Variants in ZNF250 observed in about 807,000 individuals in gnomAD.
ZNF250 encodes zinc finger protein 250.
In ZNF250, 13 loss-of-function variants were observed where a neutral mutation model predicts 37.1. The ratio of observed to expected loss-of-function variants is 0.35; its 90% CI spans 0.23 to 0.56. The LOEUF (loss-of-function observed/expected upper bound fraction) is 0.56, where lower values mean the gene tolerates loss of function less well. Ranked by LOEUF, ZNF250 falls within the 20% of genes least tolerant of loss-of-function variation. The pLI is 0.87. For synonymous variants in ZNF250, 251 were observed against 265.6 expected (o/e 0.94, Z 0.54); for missense variants, 474 against 697.9 (o/e 0.68, Z 3.61).
chr8:144,882,367 A>G lies in ZNF250; in HGVS notation c.816T>C (p.His272=), dbSNP rs765344686. 1.2e-6 allele frequency: 2 copies of G among 1,613,832 alleles called. No homozygotes were observed. The highest frequency in any genetic ancestry group is 1.7e-6 in the Non-Finnish European group (2 of 1,179,890). Residue 272 remains histidine (H), a synonymous_variant, in exon 6 of 6, where the codon CAT becomes CAC. Transcript: ENST00000417550. The surrounding 1 kb of genome is among the most constrained non-coding windows in gnomAD (Gnocchi z 5.5). The part of the protein sequence containing the change: ...SSDLAQHHKI[H]TGEKPHECLE... ...GACATTCGTGAGGCTTCTCTCCTGT[A>G]TGTATCTTGTGATGCTGAGCAAGAT...
intron 5 of ZNF250, among the ~76,000 whole-genome samples, chr8:144,885,396 C>T (rs1253938874): frequency 6.6e-6 from 1 of 152,186 alleles, no homozygotes; most frequent in African/African-American, 2.4e-5. Flanking sequence ...GCTGAGATTA[C>T]AGGCATGAGC....
At chr8:144,892,361 A>G (rs116997259) in intron 1 of ZNF250, among the ~76,000 whole-genome samples, 1 of 152,352 alleles carries the variant, frequency 6.6e-6, no homozygotes, top group East Asian at 1.9e-4. Flanking sequence ...CTTGCCAGGA[A>G]TCAGAGCCAA....
intron 1 of ZNF250, among the ~76,000 whole-genome samples, chr8:144,896,647 C>G (rs905437811): frequency 1.3e-5 from 2 of 152,192 alleles, no homozygotes; most frequent in African/African-American, 4.8e-5. Flanking sequence ...AGCTTTGCTC[C>G]ATGAGAACAC....
rs1832222591 is a variant in ZNF250 at position 144,890,189 on chromosome 8, G to A, written c.42+119C>T. On this transcript the variant is annotated intron_variant, in intron 2 of 5. Coordinates refer to ENST00000417550, the MANE Select transcript of ZNF250 (RefSeq NM_001109689.4). The surrounding 1 kb of genome is among the most constrained non-coding windows in gnomAD (Gnocchi z 5.1). The stretch of plus-strand genomic sequence containing the variant: ...GTGAGCTGAGGTGGGTGATGGGAAG[G>A]GGCCGCGGAGTTCAGGGCATGTGGT... The A allele has an allele frequency of 6.6e-7, 1 of 1,505,722 alleles. No homozygotes were observed. The highest frequency in any genetic ancestry group is 9.1e-7 in the Non-Finnish European group (1 of 1,104,054). The allele number at this position is 1,505,722 out of a possible 1,614,324, so 93.3% of individuals were successfully genotyped here.
At chr8:144,899,970 A>G (rs542105815) in intron 1 of ZNF250, among the ~76,000 whole-genome samples, 1 of 152,344 alleles carries the variant, frequency 6.6e-6, no homozygotes, top group East Asian at 1.9e-4. Context: ...ACTCCTAAAA[A>G]TTTTAAATTT....
intron 3 of ZNF250, 49 bp downstream of exon 3, chr8:144,889,884 C>A: frequency 1.3e-6 from 2 of 1,555,676 alleles, no homozygotes; most frequent in Non-Finnish European, 8.7e-7. Flanking sequence ...AAGCCCCCAC[C>A]CCAGTCCAAT....
At chr8:144,899,274 C>A (rs1832942543) in intron 1 of ZNF250, among the ~76,000 whole-genome samples, 1 of 152,052 alleles carries the variant, frequency 6.6e-6, no homozygotes, top group Non-Finnish European at 1.5e-5. Flanking sequence ...GGGTTAATGA[C>A]TACAAACATA....
chr8:144,899,106 T>C lies in ZNF250; in HGVS notation c.-55+2293A>G, dbSNP rs113472880. Among the ~76,000 whole-genome samples, 1,421 of 152,270 alleles carry C rather than the reference T, an allele frequency of 9.3e-3. 23 individuals carry two copies. The highest frequency in any genetic ancestry group is 0.032 in the African/African-American group (1,316 of 41,520). ...AGGGATGGAACTGGAGGTCATTATG[T>C]TAATTGAAATAAGCCAGGTACAGAA... On this transcript the variant is annotated intron_variant, in intron 1 of 5. Coordinates refer to ENST00000417550, the MANE Select transcript of ZNF250 (RefSeq NM_001109689.4).
rs978297904 is a variant in ZNF250, at chr8:144,897,579, G to C, written c.-55+3820C>G. On this transcript the variant is annotated intron_variant, in intron 1 of 5. Coordinates refer to ENST00000417550, the MANE Select transcript of ZNF250 (RefSeq NM_001109689.4). This position sits in a 1 kb window ranked among gnomAD's most constrained non-coding sequence, Gnocchi z 5.2. ...TGAGGTCAGGTGCTGAGACCAGCTC[G>C]GTCGGGGAGACCCTAACCCAGCGGC... 5.9e-5 allele frequency among the ~76,000 whole-genome samples: 9 copies of C among 151,938 alleles called. No individual in the cohort carries two copies. Among genetic ancestry groups the C allele is most frequent in the Admixed American group, 5.2e-4 (8 of 15,244 alleles).
rs766641074 is a variant in ZNF250, at chr8:144,890,169, C to A, written c.43-110G>T. ...AGTTGGCAGTGGGGGGCTCTGTGAG[C>A]TGAGGTGGGTGATGGGAAGGGGCCG... On this transcript the variant is annotated intron_variant, in intron 2 of 5. Transcript: ENST00000417550. This position sits in a 1 kb window ranked among gnomAD's most constrained non-coding sequence, Gnocchi z 5.1. 1.3e-6 allele frequency: 2 copies of A among 1,535,004 alleles called. No homozygotes were observed. Among genetic ancestry groups the A allele is most frequent in the Admixed American group, 3.9e-5 (2 of 51,342 alleles).
Position 144,901,154 on chromosome 8 carries a change from G to C in ZNF250, c.-55+245C>G, listed in dbSNP as rs1033708807. ...CCGTCCGAGGCGGACGGGGGTGCGG[G>C]AGGGCCTGAGGGGGTCCAAGGCCGG... is the stretch of plus-strand genomic sequence containing the variant. On this transcript the variant is annotated intron_variant, in intron 1 of 5. Transcript: ENST00000417550. This position sits in a 1 kb window ranked among gnomAD's most constrained non-coding sequence, Gnocchi z 5.4. Among the ~76,000 whole-genome samples the C allele has an allele frequency of 5.3e-5, 8 of 152,094 alleles. No homozygotes were observed. Among genetic ancestry groups the C allele is most frequent in the Non-Finnish European group, 1.5e-5 (1 of 67,984 alleles).
In ZNF250 at chr8:144,880,342, A is replaced by G. The variant is rs1831379654; in HGVS notation, c.*1173T>C. 6.9e-6 allele frequency: 3 copies of G among 431,866 alleles called. No homozygotes were observed. The highest frequency in any genetic ancestry group is 1.6e-5 in the South Asian group (1 of 62,688). 26.8% of individuals were successfully genotyped at this position (431,866 alleles called of 1,614,324 possible). On this transcript the variant is annotated 3_prime_UTR_variant, in exon 6 of 6. Transcript: ENST00000417550. ...TCAGCATTGTTTTGGGGGAAATACCATAAGATGTAAAGAGGTACCCACTTG... is the reference window on the plus strand; with the variant it reads ...TCAGCATTGTTTTGGGGGAAATACCGTAAGATGTAAAGAGGTACCCACTTG...
rs147352763 is a variant in ZNF250 at position 144,882,088 on chromosome 8, G to A, written c.1095C>T (p.Ser365=). The part of the protein sequence containing the change: ...IHTGEKPYTC[S]ECGKAFSDRS... The stretch of plus-strand genomic sequence containing the variant: ...GGTCGCTGAAGGCCTTCCCACACTC[G>A]CTGCACGTGTAGGGCTTCTCCCCGG... Residue 365 remains serine, a synonymous_variant, in exon 6 of 6, where the codon AGC becomes AGT. Coordinates refer to ENST00000417550, the MANE Select transcript of ZNF250 (RefSeq NM_001109689.4). The surrounding 1 kb of genome is among the most constrained non-coding windows in gnomAD (Gnocchi z 5.5). The A allele has an allele frequency of 1.2e-5, 19 of 1,610,206 alleles. No homozygotes were observed. The East Asian group carries it at 1.8e-4, about 15-fold the overall frequency.
Position 144,897,492 on chromosome 8 carries a change from C to A in ZNF250, c.-55+3907G>T, listed in dbSNP as rs572440173. Among the ~76,000 whole-genome samples, 1 of 152,190 alleles carries A rather than the reference C, an allele frequency of 6.6e-6. No individual in the cohort carries two copies. The highest frequency in any genetic ancestry group is 2.4e-5 in the African/African-American group (1 of 41,450). ...GTATCCAAATTGATAGCTTTCTGGT[C>A]GGGCACAGTGGCTCATGCCTGTAAT... On this transcript the variant is annotated intron_variant, in intron 1 of 5. Coordinates refer to ENST00000417550, the MANE Select transcript of ZNF250 (RefSeq NM_001109689.4). This position sits in a 1 kb window ranked among gnomAD's most constrained non-coding sequence, Gnocchi z 5.2.
At chr8:144,889,067 C>T (rs1314869338) in intron 4 of ZNF250, among the ~76,000 whole-genome samples, 3 of 152,276 alleles carry the variant, frequency 2.0e-5, no homozygotes, top group East Asian at 1.9e-4. Flanking sequence ...CACGCCTGGC[C>T]GGTTTTGCCT....
chr8:144,889,531 CAGGACCTGTTTAGCCCTCAGTGAGGG>C (rs1563890896), intron 4 of ZNF250, 24 bp downstream of exon 4: 1 of 1,464,346 alleles, frequency 6.8e-7, no homozygotes, highest in Admixed American at 1.8e-5. Context: ...CAGCTTTGCT[CAGGACCTGTTTAGCCCTCAGTGAGGG>C]AGGGGCCAGC....
Position 144,897,280 on chromosome 8 carries a change from C to A in ZNF250, c.-55+4119G>T, listed in dbSNP as rs1242429323. On this transcript the variant is annotated intron_variant, in intron 1 of 5. Transcript: ENST00000417550. The surrounding 1 kb of genome is among the most constrained non-coding windows in gnomAD (Gnocchi z 5.2). ...TCCCTGGACTTTCTGCTAACAAGCA[C>A]TGCTCCCTCTTCATCACCAAGGAGC... is the stretch of plus-strand genomic sequence containing the variant. Among the ~76,000 whole-genome samples the A allele has an allele frequency of 1.3e-5, 2 of 152,210 alleles. No individual in the cohort carries two copies. Among genetic ancestry groups the A allele is most frequent in the Non-Finnish European group, 2.9e-5 (2 of 68,046 alleles).
At position 144,890,335 on chromosome 8, in the gene ZNF250, T is replaced by G. The variant is rs1586910043; in HGVS notation, c.15A>C (p.Arg5Ser). Reference protein sequence around the residue: MAAARLLPVPAGPQA... With the variant: MAAASLLPVPAGPQA... ...GGGGTCCTGCCGGCACTGGCAGGAGTCTGGCTGCTGCCATCACCTGGTCTC... is the reference window on the plus strand; with the variant it reads ...GGGGTCCTGCCGGCACTGGCAGGAGGCTGGCTGCTGCCATCACCTGGTCTC... The change falls in exon 2 of 6, where the codon AGA becomes AGC. Residue 5 changes from arginine to serine, a missense_variant. Physicochemically the swap from Arg to Ser is moderately radical, Grantham distance 110. Around this residue, in one of 2 missense-constraint regions of ZNF250, gnomAD observed 192 missense variants for 227.5 expected, o/e 0.84. Coordinates refer to ENST00000417550, the MANE Select transcript of ZNF250 (RefSeq NM_001109689.4). This position sits in a 1 kb window ranked among gnomAD's most constrained non-coding sequence, Gnocchi z 5.1. 6.6e-7 allele frequency: 1 copy of G among 1,505,780 alleles called. No individual in the cohort carries two copies. Among genetic ancestry groups the G allele is most frequent in the Admixed American group, 2.3e-5 (1 of 44,324 alleles). 93.3% of individuals were successfully genotyped at this position (1,505,780 alleles called of 1,614,324 possible).
intron 4 of ZNF250, among the ~76,000 whole-genome samples, chr8:144,887,635 C>T (rs541493867): frequency 3.3e-5 from 5 of 152,150 alleles, no homozygotes; most frequent in African/African-American, 1.2e-4. Context: ...CGCTCAAAGG[C>T]AGTTTAAGCT....
Sources: allele counts gnomAD v4.1 joint callset (sites outside exome capture counted in the v4.1 genomes callset), GRCh38; gene constraint gnomAD v4.1.1; regional missense constraint gnomAD v4.1.1; non-coding constraint Gnocchi (gnomAD v3.1); transcripts MANE v1.5; gene names NCBI Gene and HGNC (gene_info 2026-07-23, HGNC 2026-07-21).